The following LRRC49 variants were observed in gnomAD, a reference collection of about 807,000 sequenced individuals.
The protein encoded by LRRC49 is leucine-rich repeat-containing protein 49.
LRRC49 carries 50 observed loss-of-function variants against 83.3 expected under a neutral mutation model. The observed-to-expected ratio is 0.60, with a 90% CI of 0.48 to 0.76. LRRC49 has a LOEUF of 0.76. Among genes scored for constraint, LRRC49 ranks in the 30% least tolerant of loss-of-function variants. LRRC49 has a pLI of 0.00. For synonymous variants in LRRC49, 286 were observed against 283.3 expected (o/e 1.01, Z -0.10); for missense variants, 704 against 809.1 (o/e 0.87, Z 1.58).
intron 14 of LRRC49, among the ~76,000 whole-genome samples, chr15:71,034,292 A>T (rs1277539055): frequency 6.6e-6 from 1 of 152,258 alleles, no homozygotes; most frequent in African/African-American, 2.4e-5. Flanking sequence ...AAAGGTCGAC[A>T]TCACTGATTA....
At chr15:70,935,350 A>G (rs1463820799) in intron 7 of LRRC49, among the ~76,000 whole-genome samples, 1 of 152,196 alleles carries the variant, frequency 6.6e-6, no homozygotes, top group Non-Finnish European at 1.5e-5. Context: ...GGTAGGTAGA[A>G]AAACAAGGCA....
chr15:71,046,622 G>T (rs1567116080), intron 15 of LRRC49, among the ~76,000 whole-genome samples: 1 of 152,084 alleles, frequency 6.6e-6, no homozygotes, highest in Non-Finnish European at 1.5e-5. Flanking sequence ...TACATAGTTT[G>T]CAAATATCTT....
intron 8 of LRRC49, among the ~76,000 whole-genome samples, chr15:70,944,960 A>G (rs963353238): frequency 3.3e-5 from 5 of 151,952 alleles, no homozygotes; most frequent in African/African-American, 4.8e-5. Context: ...ACCCATAGAT[A>G]CTCTTCATCT....
intron 5 of LRRC49, among the ~76,000 whole-genome samples, chr15:70,911,005 T>G (rs564552012): frequency 6.6e-6 from 1 of 151,840 alleles, no homozygotes; most frequent in South Asian, 2.1e-4. Flanking sequence ...CTTTGAAGAG[T>G]TGTTTGATCT....
At chr15:71,003,050 G>C (rs1490620559) in intron 11 of LRRC49, among the ~76,000 whole-genome samples, 1 of 133,392 alleles carries the variant, frequency 7.5e-6, no homozygotes, top group Non-Finnish European at 1.5e-5. Context: ...CAATTCTCCT[G>C]CCTCAGCCTC....
intron 2 of LRRC49, chr15:70,895,394 T>TG (rs1567040553): frequency 6.6e-6 from 1 of 151,220 alleles, no homozygotes; most frequent in African/African-American, 2.4e-5. Flanking sequence ...ATATTGTGTG[T>TG]TTTTTTTTGA....
At chr15:70,891,183 A>G (rs2033549640), upstream of LRRC49, among the ~76,000 whole-genome samples, 1 of 152,240 alleles carries the variant, frequency 6.6e-6, no homozygotes, top group Non-Finnish European at 1.5e-5. Context: ...TACGTGGGGA[A>G]GAAGGTAGTA....
chr15:70,928,013 A>G (rs549077580), intron 7 of LRRC49, among the ~76,000 whole-genome samples: 2 of 152,096 alleles, frequency 1.3e-5, no homozygotes, highest in Non-Finnish European at 2.9e-5. Context: ...CATTTTTCCC[A>G]CATAGGGATA....
At chr15:70,878,449 T>A (rs1453916177) in intron 2 of LRRC49, among the ~76,000 whole-genome samples, 1 of 152,214 alleles carries the variant, frequency 6.6e-6, no homozygotes, top group Non-Finnish European at 1.5e-5. Context: ...TTCCTTTTTT[T>A]CCCCTTGCCT....
chr15:71,022,298 A>C (rs1036691600), intron 14 of LRRC49, among the ~76,000 whole-genome samples: 2 of 152,136 alleles, frequency 1.3e-5, no homozygotes, highest in Admixed American at 1.3e-4. Context: ...ACTTGAACCC[A>C]GGAGGCAGAG....
intron 11 of LRRC49, among the ~76,000 whole-genome samples, chr15:70,999,601 A>C (rs1596121873): frequency 6.6e-6 from 1 of 152,254 alleles, no homozygotes; most frequent in East Asian, 1.9e-4. Flanking sequence ...TGGAACCTGA[A>C]GATCAGCCAG....
intron 14 of LRRC49, among the ~76,000 whole-genome samples, chr15:71,020,485 C>T (rs192722724): frequency 6.6e-6 from 1 of 150,492 alleles, no homozygotes; most frequent in Admixed American, 6.6e-5. Context: ...CAGCTAATCG[C>T]AAAAAGGATA....
intron 11 of LRRC49, among the ~76,000 whole-genome samples, chr15:70,996,701 T>A (rs2038084782): frequency 6.6e-6 from 1 of 152,188 alleles, no homozygotes; most frequent in Non-Finnish European, 1.5e-5. Flanking sequence ...TCTAAATCTC[T>A]GTTTTTTTGT....
intron 1 of LRRC49, among the ~76,000 whole-genome samples, chr15:70,870,321 C>T (rs1365068554): frequency 6.6e-6 from 1 of 152,226 alleles, no homozygotes; most frequent in African/African-American, 2.4e-5. Flanking sequence ...TGCAGTATCA[C>T]ACTAGCTCAA....
intron 10 of LRRC49, among the ~76,000 whole-genome samples, chr15:70,981,050 C>G (rs561961985): frequency 7.9e-5 from 12 of 152,118 alleles, no homozygotes; most frequent in African/African-American, 2.7e-4. Context: ...TCTTTAGTTA[C>G]GAGGTTTACT....
At chr15:70,854,984 G>C (rs2032616128) in intron 1 of LRRC49, among the ~76,000 whole-genome samples, 1 of 152,162 alleles carries the variant, frequency 6.6e-6, no homozygotes, top group South Asian at 2.1e-4. Flanking sequence ...ACTTCAAATT[G>C]AGTTCCATCT....
intron 1 of LRRC49, among the ~76,000 whole-genome samples, chr15:70,866,755 AT>A (rs2032922815): frequency 6.6e-6 from 1 of 152,136 alleles, no homozygotes; most frequent in Admixed American, 6.5e-5. Flanking sequence ...TCCTAAGGAA[AT>A]CAATCACACC....
intron 6 of LRRC49, among the ~76,000 whole-genome samples, chr15:70,914,830 A>G (rs2141127073): frequency 6.6e-6 from 1 of 152,318 alleles, no homozygotes; most frequent in Admixed American, 6.5e-5. Flanking sequence ...TGCTTACCTG[A>G]AAGCAAACAC....
chr15:70,991,113 C>T (rs1351477108), intron 11 of LRRC49, among the ~76,000 whole-genome samples: 2 of 152,206 alleles, frequency 1.3e-5, no homozygotes, highest in African/African-American at 2.4e-5. Context: ...GTTACTCCAG[C>T]TGTGATCTAT....
Sources: gnomAD v4.1 joint callset for allele counts (sites outside exome capture counted in the v4.1 genomes callset) on GRCh38, gnomAD v4.1.1 for gene constraint, MANE v1.5 for transcripts, NCBI Gene and HGNC (gene_info 2026-07-23, HGNC 2026-07-21) for gene names.